RBFOX1: variants seen among roughly 807,000 people sequenced by gnomAD.
RBFOX1 encodes RNA binding fox-1 homolog 1.
In RBFOX1, 8 loss-of-function variants were observed where a neutral mutation model predicts 57.7. That is an observed-to-expected ratio of 0.14 (90% CI 0.08 to 0.25). RBFOX1 has a LOEUF of 0.25. Among genes scored for constraint, RBFOX1 ranks in the 10% least tolerant of loss-of-function variants. The pLI is 1.00. For synonymous variants in RBFOX1, 326 were observed against 222.4 expected, an observed-to-expected ratio of 1.47 and a Z score of -4.15; for missense variants, 611 against 548.5, an observed-to-expected ratio of 1.11 and a Z score of -1.14.
chr16:5,708,756 A>G (rs1370262746), intron 3 of RBFOX1, among the ~76,000 whole-genome samples: 1 of 152,172 alleles, frequency 6.6e-6, no homozygotes, highest in Non-Finnish European at 1.5e-5. Context: ...GGATATTCAA[A>G]CTGAGCCTGG....
intron 2 of RBFOX1, among the ~76,000 whole-genome samples, chr16:6,555,556 C>G (rs9674216): frequency 6.6e-6 from 1 of 151,802 alleles, no homozygotes; most frequent in Admixed American, 6.6e-5. Flanking sequence ...AAAAATTAGC[C>G]GGGCGTGGTG....
chr16:6,349,648 C>G (rs910273118), intron 2 of RBFOX1, among the ~76,000 whole-genome samples: 1 of 152,148 alleles, frequency 6.6e-6, no homozygotes, highest in Admixed American at 6.5e-5. Flanking sequence ...CTATTGAGAA[C>G]ACATCTTCAT....
At chr16:5,505,829 C>A (rs559770624) in intron 2 of RBFOX1, among the ~76,000 whole-genome samples, 1 of 152,100 alleles carries the variant, frequency 6.6e-6, no homozygotes, top group South Asian at 2.1e-4. Flanking sequence ...CTCCCTAGAC[C>A]GTGGTTTGCG....
intron 2 of RBFOX1, among the ~76,000 whole-genome samples, chr16:6,635,896 TC>T (rs1173763901): frequency 2.0e-5 from 3 of 152,326 alleles, no homozygotes; most frequent in African/African-American, 7.2e-5. Flanking sequence ...ATTTCAGATT[TC>T]TTTTTCAGAT....
chr16:7,016,032 C>T (rs2093893134), intron 3 of RBFOX1, among the ~76,000 whole-genome samples: 1 of 152,136 alleles, frequency 6.6e-6, no homozygotes, highest in East Asian at 1.9e-4. Context: ...GGAAAGACTA[C>T]ACTTCCTAGT....
intron 3 of RBFOX1, among the ~76,000 whole-genome samples, chr16:7,030,305 G>C (rs993109681): frequency 6.6e-6 from 1 of 152,086 alleles, no homozygotes; most frequent in Non-Finnish European, 1.5e-5. Flanking sequence ...TTACAGATGA[G>C]GAAATGAGGC....
At chr16:5,691,178 G>A (rs1168325968) in intron 3 of RBFOX1, among the ~76,000 whole-genome samples, 1 of 152,176 alleles carries the variant, frequency 6.6e-6, no homozygotes, top group Admixed American at 6.5e-5. Context: ...CAACATCTTT[G>A]TAATAAATTT....
rs550327758 is a variant in RBFOX1, at chr16:7,148,534, G to T, written c.27+96436G>T. On this transcript the variant is annotated intron_variant, in intron 4 of 15. Coordinates refer to ENST00000550418, the MANE Select transcript of RBFOX1 (RefSeq NM_018723.4). ...ACATTTAACATATTAAGGCCGCAGT[G>T]CCGAGTTCCCTGAACAGACAACATA... Among the ~76,000 whole-genome samples, 4 of 152,324 alleles carry T rather than the reference G, an allele frequency of 2.6e-5. No homozygotes were observed. In the East Asian group the frequency reaches 7.7e-4, roughly 29 times the overall value.
intron 3 of RBFOX1, among the ~76,000 whole-genome samples, chr16:5,784,443 G>C (rs112309099): frequency 0.029 from 4,420 of 151,438 alleles, 217 homozygotes; most frequent in African/African-American, 0.099. Flanking sequence ...AAAAAAAAGA[G>C]GAAGCAGGCA....
chr16:7,094,763 T>TGTGTGTGTGTGTGTGG (rs987105856), intron 4 of RBFOX1, among the ~76,000 whole-genome samples: 1 of 138,710 alleles, frequency 7.2e-6, no homozygotes, highest in Non-Finnish European at 1.6e-5. Flanking sequence ...TGTGTGTGTG[T>TGTGTGTGTGTGTGTGG]GTGTGTGTGT....
intron 3 of RBFOX1, among the ~76,000 whole-genome samples, chr16:5,750,190 G>C (rs1209297100): frequency 1.3e-5 from 2 of 152,174 alleles, no homozygotes; most frequent in Non-Finnish European, 2.9e-5. Context: ...GAATATTTCT[G>C]AACAGCAAAT....
intron 1 of RBFOX1, among the ~76,000 whole-genome samples, chr16:5,361,131 C>G (rs2065538454): frequency 6.6e-6 from 1 of 152,198 alleles, no homozygotes; most frequent in South Asian, 2.1e-4. Context: ...ATTGTCTTTT[C>G]AGTTTACAGA....
chr16:6,483,378 C>T (rs968089058), intron 2 of RBFOX1: 84 of 1,520,588 alleles, frequency 5.5e-5, no homozygotes, highest in Admixed American at 4.0e-4. Context: ...GCGCGCGGCG[C>T]GCACGACAGA....
intron 1 of RBFOX1, among the ~76,000 whole-genome samples, chr16:6,223,035 A>T (rs947145084): frequency 4.0e-4 from 60 of 149,704 alleles, no homozygotes; most frequent in Admixed American, 7.4e-4. Context: ...TGAACTCATC[A>T]TTTTTTATGG....
At chr16:7,268,019 G>A (rs1290518553) in intron 4 of RBFOX1, among the ~76,000 whole-genome samples, 2 of 152,186 alleles carry the variant, frequency 1.3e-5, no homozygotes, top group African/African-American at 4.8e-5. Flanking sequence ...AAACCCAGAT[G>A]CTGTAGCCTA....
At chr16:7,697,024 C>T (rs1346050064) in intron 14 of RBFOX1, among the ~76,000 whole-genome samples, 2 of 152,068 alleles carry the variant, frequency 1.3e-5, no homozygotes, top group Non-Finnish European at 2.9e-5. Flanking sequence ...GACTTGGAGG[C>T]TGCAGAACAT....
rs1158354034 is a variant in RBFOX1 at position 6,924,161 on chromosome 16, T to C, written c.-15-127896T>C. 5.7e-5 allele frequency among the ~76,000 whole-genome samples: 7 copies of C among 121,892 alleles called. No individual in the cohort carries two copies. In the East Asian group the frequency reaches 1.6e-3, roughly 28 times the overall value. The allele number at this position is 121,892 out of a possible 152,430, so 80.0% of individuals were successfully genotyped here. ...TCCAGCCTGGGTGACAGGAAGACTC[T>C]GTCTCAAAAATAATAATAATAATAA... On this transcript the variant is annotated intron_variant, in intron 3 of 15. Coordinates refer to ENST00000550418, the MANE Select transcript of RBFOX1 (RefSeq NM_018723.4).
chr16:5,296,809 G>C (rs556930910), intron 1 of RBFOX1, among the ~76,000 whole-genome samples: 75 of 151,888 alleles, frequency 4.9e-4, no homozygotes, highest in African/African-American at 1.7e-3. Context: ...CTCCTTAGTA[G>C]CTGGGATTAC....
intron 1 of RBFOX1, among the ~76,000 whole-genome samples, chr16:6,094,263 C>A (rs1312306420): frequency 6.6e-6 from 1 of 152,160 alleles, no homozygotes; most frequent in South Asian, 2.1e-4. Flanking sequence ...TTATCATTCC[C>A]TGAGCCACCG....
Sources: allele counts gnomAD v4.1 joint callset (sites outside exome capture counted in the v4.1 genomes callset), GRCh38; gene constraint gnomAD v4.1.1; transcripts MANE v1.5; gene names NCBI Gene and HGNC (gene_info 2026-07-23, HGNC 2026-07-21).